TMEM9B: variants seen among roughly 807,000 people sequenced by gnomAD.
TMEM9B encodes the protein TMEM9 domain family member B.
Under a neutral mutation model 23.5 loss-of-function variants are expected in TMEM9B, and 8 were observed. The ratio of observed to expected loss-of-function variants is 0.34; its 90% CI spans 0.20 to 0.61. TMEM9B has a LOEUF of 0.61. TMEM9B is among the 20% of genes least tolerant of loss of function. The pLI is 0.78. For missense variants in TMEM9B, 197 were observed against 252.3 expected (o/e 0.78, Z 1.49); for synonymous variants, 106 against 96.3 (o/e 1.10, Z -0.59).
chr11:8,955,695 T>C (rs568543718), intron 3 of TMEM9B, among the ~76,000 whole-genome samples: 5 of 151,728 alleles, frequency 3.3e-5, no homozygotes, highest in Non-Finnish European at 1.5e-5. Context: ...GTAAATAAGA[T>C]GAAGCTTTGC....
chr11:8,962,227 A>T, intron 1 of TMEM9B, 44 bp from the exon 2 acceptor site: 1 of 1,308,540 alleles, frequency 7.6e-7, no homozygotes, highest in Non-Finnish European at 1.1e-6. Flanking sequence ...ACAGTTTATC[A>T]TCAATATTTT....
chr11:8,963,852 T>G, intron 1 of TMEM9B: 1 of 239,054 alleles, frequency 4.2e-6, no homozygotes, highest in South Asian at 6.0e-5. Flanking sequence ...GTCAAGAGCT[T>G]AGGGTGGAAA....
chr11:8,963,825 G>A (rs925437870), intron 1 of TMEM9B, among the ~76,000 whole-genome samples: 1 of 152,126 alleles, frequency 6.6e-6, no homozygotes, highest in African/African-American at 2.4e-5. Flanking sequence ...GAGGCTGGCG[G>A]AGGGCGCAGG....
At chr11:8,955,878 G>C (rs1853965906) in intron 3 of TMEM9B, among the ~76,000 whole-genome samples, 3 of 152,078 alleles carry the variant, frequency 2.0e-5, no homozygotes, top group Admixed American at 6.6e-5. Flanking sequence ...TTTTTCAAAG[G>C]GCTGGAAAGG....
At chr11:8,964,767 C>A (rs981256774), upstream of TMEM9B, 1 of 163,194 alleles carries the variant, frequency 6.1e-6, no homozygotes, top group Non-Finnish European at 1.3e-5. Flanking sequence ...CGGAGCCGTT[C>A]GCGCACAGGC....
chr11:8,953,250 G>T lies in TMEM9B; in HGVS notation c.394C>A (p.Arg132Ser). 6.8e-6 allele frequency: 11 copies of T among 1,614,076 alleles called. No homozygotes were observed. The highest frequency in any genetic ancestry group is 9.3e-6 in the Non-Finnish European group (11 of 1,180,016). ...ATCAACTGTGCATGTCCAAAGAGGCGCCTCTTCAGTATGGGCTCAACCAGA... is the reference window on the plus strand; with the variant it reads ...ATCAACTGTGCATGTCCAAAGAGGCTCCTCTTCAGTATGGGCTCAACCAGA... ...LTLVEPILKR[R>S]LFGHAQLIQS... Residue 132 changes from arginine (R) to serine (S), a missense_variant, in exon 4 of 5, where the codon CGC (arginine) becomes AGC (serine). Arg to Ser is a moderately radical substitution (Grantham distance 110, BLOSUM62 -1). Transcript: ENST00000534025.
intron 3 of TMEM9B, among the ~76,000 whole-genome samples, chr11:8,954,490 C>T (rs1349368212): frequency 4.6e-5 from 7 of 151,874 alleles, no homozygotes; most frequent in East Asian, 3.9e-4. Flanking sequence ...GGTTTCACCA[C>T]GTTGGACAGG....
chr11:8,950,390 ATAT>A (rs1431111175), intron 4 of TMEM9B, among the ~76,000 whole-genome samples: 38 of 152,304 alleles, frequency 2.5e-4, no homozygotes, highest in Middle Eastern at 6.8e-3. Context: ...GAGGAGGAAA[ATAT>A]TATCACCATT....
intron 3 of TMEM9B, among the ~76,000 whole-genome samples, chr11:8,954,223 C>T (rs1167704656): frequency 1.3e-5 from 2 of 151,990 alleles, no homozygotes; most frequent in Non-Finnish European, 2.9e-5. Flanking sequence ...GACTAGTGAC[C>T]GAGTAGGGCT....
Position 8,948,434 on chromosome 11 carries a change from G to A in TMEM9B, c.483C>T (p.Arg161=), listed in dbSNP as rs1853813591. The change falls in exon 5 of 5, where the codon CGC becomes CGT. Residue 161 remains arginine (R), a synonymous_variant. Coordinates refer to ENST00000534025, the MANE Select transcript of TMEM9B (RefSeq NM_020644.3). ...TCAGCACGTTGGCTCGACTGCGGGA[G>A]CGGGCTAGCACATCGTGTGCATTTG... The part of the protein sequence containing the change: ...PFANAHDVLA[R]SRSRANVLNK... The A allele has an allele frequency of 1.9e-6, 3 of 1,614,220 alleles. No individual in the cohort carries two copies. The highest frequency in any genetic ancestry group is 2.5e-6 in the Non-Finnish European group (3 of 1,180,040).
chr11:8,956,091 T>C, intron 3 of TMEM9B, 99 bp downstream of exon 3: 3 of 991,416 alleles, frequency 3.0e-6, no homozygotes, highest in Non-Finnish European at 4.4e-6. Context: ...CCTTTTGGGG[T>C]AGGGGTCCAA....
At chr11:8,961,241 T>C (rs1854074657) in intron 2 of TMEM9B, among the ~76,000 whole-genome samples, 1 of 152,234 alleles carries the variant, frequency 6.6e-6, no homozygotes, top group African/African-American at 2.4e-5. Context: ...GTTAACTGAA[T>C]GAATTTAATC....
At chr11:8,952,196 AT>A in intron 4 of TMEM9B, among the ~76,000 whole-genome samples, 1 of 152,154 alleles carries the variant, frequency 6.6e-6, no homozygotes, top group South Asian at 2.1e-4. Context: ...ATAAACGAAT[AT>A]TAAAACAAAA....
rs183616757 is a variant in TMEM9B at position 8,960,927 on chromosome 11, C to T, written c.197+1165G>A. On this transcript the variant is annotated intron_variant, in intron 2 of 4. Coordinates refer to ENST00000534025, the MANE Select transcript of TMEM9B (RefSeq NM_020644.3). ...CTCGAACTCCTGACCTCAGGTGATC[C>T]GCCTGCCTCAGCCTCCCAGAGTGCT... 1.4e-3 allele frequency among the ~76,000 whole-genome samples: 209 copies of T among 152,246 alleles called. 4 individuals are homozygous for T. Among genetic ancestry groups the T allele is most frequent in the South Asian group, 7.3e-3 (35 of 4,822 alleles).
At chr11:8,951,940 T>A (rs1205100468) in intron 4 of TMEM9B, among the ~76,000 whole-genome samples, 2 of 150,894 alleles carry the variant, frequency 1.3e-5, no homozygotes, top group Non-Finnish European at 2.9e-5. Context: ...ACTCCGTCTC[T>A]ACTAAAAATA....
chr11:8,950,996 C>T (rs1021020963), intron 4 of TMEM9B, among the ~76,000 whole-genome samples: 3 of 152,098 alleles, frequency 2.0e-5, no homozygotes, highest in African/African-American at 4.8e-5. Flanking sequence ...AACCTCTCTG[C>T]CTAGAATCAG....
chr11:8,964,017 G>T (rs1589950170), intron 1 of TMEM9B, 192 bp downstream of exon 1: 2 of 591,868 alleles, frequency 3.4e-6, no homozygotes, highest in Non-Finnish European at 5.8e-6. Flanking sequence ...CCAGGCTGTC[G>T]GGGCTGAGGG....
chr11:8,964,365 G>T lies in TMEM9B; in HGVS notation c.-52C>A. ...CCGGAGCCCCCGCGACCGGCTCCCG[G>T]CTCGGGCTCAGGCTCAGGCTCAGGC... On this transcript the variant is annotated 5_prime_UTR_variant, in exon 1 of 5. Transcript: ENST00000534025. 2 of 1,533,192 alleles carry T rather than the reference G, an allele frequency of 1.3e-6. No individual in the cohort carries two copies. Among genetic ancestry groups the T allele is most frequent in the Non-Finnish European group, 8.8e-7 (1 of 1,141,620 alleles). The allele number at this position is 1,533,192 out of a possible 1,614,324, so 95.0% of individuals were successfully genotyped here.
At chr11:8,958,321 G>T (rs1262172394) in intron 2 of TMEM9B, among the ~76,000 whole-genome samples, 2 of 150,702 alleles carry the variant, frequency 1.3e-5, no homozygotes, top group African/African-American at 4.9e-5. Flanking sequence ...AATTATCTGG[G>T]CATGGTGGCA....
Sources: gnomAD v4.1 joint callset for allele counts (sites outside exome capture counted in the v4.1 genomes callset) on GRCh38, gnomAD v4.1.1 for gene constraint, MANE v1.5 for transcripts, NCBI Gene and HGNC (gene_info 2026-07-23, HGNC 2026-07-21) for gene names.